The following RAB3GAP2 variants were observed in gnomAD, a reference collection of about 807,000 sequenced individuals.
RAB3GAP2 encodes the protein RAB3 GTPase activating non-catalytic protein subunit 2.
RAB3GAP2 carries 87 observed loss-of-function variants against 185.3 expected under a neutral mutation model. That is an observed-to-expected ratio of 0.47 (90% CI 0.39 to 0.56). The LOEUF (loss-of-function observed/expected upper bound fraction) is 0.56. Ranked by LOEUF, RAB3GAP2 falls within the 20% of genes least tolerant of loss-of-function variation. The probability of loss-of-function intolerance (pLI) is 0.00; values close to 1 mark genes in which losing one functional copy is unlikely to be tolerated. For missense variants in RAB3GAP2, 1,492 were observed against 1,638.2 expected, an observed-to-expected ratio of 0.91 and a Z score of 1.54; for synonymous variants, 554 against 576.1, an observed-to-expected ratio of 0.96 and a Z score of 0.55.
At chr1:220,258,868 G>A (rs1435413269) in intron 1 of RAB3GAP2, among the ~76,000 whole-genome samples, 1 of 152,194 alleles carries the variant, frequency 6.6e-6, no homozygotes, top group Non-Finnish European at 1.5e-5. Flanking sequence ...TTCTTAAGCT[G>A]ATAAGCAACT....
intron 29 of RAB3GAP2, 108 bp from the exon 30 acceptor site, chr1:220,157,984 A>G: frequency 2.4e-6 from 2 of 823,656 alleles, no homozygotes; most frequent in Non-Finnish European, 4.1e-6. Context: ...GACTTTCCAC[A>G]CTGAATAGAC....
At chr1:220,184,361 A>G (rs1658471270) in intron 18 of RAB3GAP2, among the ~76,000 whole-genome samples, 198 bp from the exon 19 acceptor site, 1 of 152,140 alleles carries the variant, frequency 6.6e-6, no homozygotes. Context: ...CTTTTTAAAT[A>G]AAATAAGATG....
chr1:220,186,418 C>T (rs758064909), intron 17 of RAB3GAP2, among the ~76,000 whole-genome samples: 4 of 152,042 alleles, frequency 2.6e-5, no homozygotes, highest in South Asian at 2.1e-4. Flanking sequence ...GACAAATATC[C>T]GATCATAACA....
Position 220,164,720 on chromosome 1 carries a change from T to A in RAB3GAP2, c.3154+13A>T, listed in dbSNP as rs1248395562. 5 of 1,599,206 alleles carry A rather than the reference T, an allele frequency of 3.1e-6. No individual in the cohort carries two copies. The highest frequency in any genetic ancestry group is 1.7e-6 in the Non-Finnish European group (2 of 1,170,494). ...AGATCAAACAGTGATGTTTCTAACA[T>A]CTGTTTACTTACCATTTTGAACATG... is the stretch of plus-strand genomic sequence containing the variant. On this transcript the variant is annotated intron_variant, in intron 27 of 34. Transcript: ENST00000358951.
chr1:220,154,507 T>G, intron 31 of RAB3GAP2: 1 of 174,932 alleles, frequency 5.7e-6, no homozygotes, highest in Non-Finnish European at 1.2e-5. Flanking sequence ...TGCTTAGAAG[T>G]GAATCACCCT....
At chr1:220,243,631 T>C (rs1659741527) in intron 1 of RAB3GAP2, among the ~76,000 whole-genome samples, 1 of 152,174 alleles carries the variant, frequency 6.6e-6, no homozygotes, top group Admixed American at 6.5e-5. Flanking sequence ...TTCAGTACCA[T>C]CTCAGTTATT....
intron 2 of RAB3GAP2, among the ~76,000 whole-genome samples, chr1:220,223,512 TA>T (rs1056131356): frequency 6.6e-6 from 1 of 152,120 alleles, no homozygotes; most frequent in Non-Finnish European, 1.5e-5. Context: ...AAATATAGAT[TA>T]AAACACTGAA....
At chr1:220,240,888 A>C (rs1329054677) in intron 1 of RAB3GAP2, among the ~76,000 whole-genome samples, 1 of 152,116 alleles carries the variant, frequency 6.6e-6, no homozygotes, top group African/African-American at 2.4e-5. Flanking sequence ...GAATAAATAA[A>C]ACCAATGACT....
In RAB3GAP2 at chr1:220,167,690, C is replaced by A. The variant is rs200407685; in HGVS notation, c.2807-15G>T. 1.2e-6 allele frequency: 2 copies of A among 1,611,960 alleles called. No homozygotes were observed. Among genetic ancestry groups the A allele is most frequent in the Non-Finnish European group, 1.7e-6 (2 of 1,179,546 alleles). On this transcript the variant is annotated splice_polypyrimidine_tract_variant and intron_variant, in intron 24 of 34. Transcript: ENST00000358951. ...TGCAATGCCACCTATAGTTTGGAGA[C>A]AAGAAAGAAAATAAAAATTTACAAC...
At chr1:220,263,065 T>C (rs1660170528) in intron 1 of RAB3GAP2, among the ~76,000 whole-genome samples, 1 of 151,564 alleles carries the variant, frequency 6.6e-6, no homozygotes, top group Non-Finnish European at 1.5e-5. Context: ...TAAGCATCTT[T>C]TCATGTTCTT....
At chr1:220,210,365 T>C (rs758167446) in intron 7 of RAB3GAP2, 23 bp downstream of exon 7, 1 of 1,573,758 alleles carries the variant, frequency 6.4e-7, no homozygotes, top group South Asian at 1.1e-5. Flanking sequence ...CTGTTACTGT[T>C]GGAACACAAT....
intron 2 of RAB3GAP2, among the ~76,000 whole-genome samples, chr1:220,224,489 T>C (rs1342828305): frequency 6.6e-6 from 1 of 152,126 alleles, no homozygotes; most frequent in African/African-American, 2.4e-5. Flanking sequence ...ATAATTTACA[T>C]ATATGGAAAA....
chr1:220,185,296 C>G (rs1440343863), intron 18 of RAB3GAP2, among the ~76,000 whole-genome samples: 3 of 152,088 alleles, frequency 2.0e-5, no homozygotes, highest in Non-Finnish European at 2.9e-5. Flanking sequence ...AAATAATAAT[C>G]TGATTGTTGA....
intron 1 of RAB3GAP2, among the ~76,000 whole-genome samples, chr1:220,262,174 A>G (rs948329522): frequency 6.6e-6 from 1 of 150,742 alleles, no homozygotes; most frequent in Non-Finnish European, 1.5e-5. Context: ...GGTGGCAGGC[A>G]CCTGTAGTCC....
intron 3 of RAB3GAP2, among the ~76,000 whole-genome samples, chr1:220,213,401 A>T (rs1470757702): frequency 6.6e-6 from 1 of 152,086 alleles, no homozygotes; most frequent in African/African-American, 2.4e-5. Context: ...GGAGATCTAT[A>T]AGATATGAAA....
rs1424706422 is a variant in RAB3GAP2 at position 220,172,003 on chromosome 1, C to T, written c.2463G>A (p.Trp821Ter). The change falls in exon 23 of 35, where the codon TGG becomes TGA. Residue 821 changes from tryptophan (W) to a stop codon, truncating the protein, a stop_gained. Transcript: ENST00000358951. LOFTEE classifies it high-confidence loss of function. Reference sequence around the variant, plus strand: ...GAATACAGGCTGTGCGCATCTGCTGCCACCATGGGGACACAGACTGAGAAT... The same window carrying T: ...GAATACAGGCTGTGCGCATCTGCTGTCACCATGGGGACACAGACTGAGAAT... ...TWDSQSVSPW[W>*]QQMRTACIQS... 2 of 1,614,168 alleles carry T rather than the reference C, an allele frequency of 1.2e-6. No individual in the cohort carries two copies. The highest frequency in any genetic ancestry group is 1.1e-5 in the South Asian group (1 of 91,082).
At chr1:220,267,540 C>A (rs537558470) in intron 1 of RAB3GAP2, 17 of 1,364,112 alleles carry the variant, frequency 1.2e-5, no homozygotes, top group Non-Finnish European at 1.5e-5. Flanking sequence ...AAGCCCATTG[C>A]CTCTTTTTGA....
chr1:220,164,250 A>AG (rs1419140774), intron 27 of RAB3GAP2, among the ~76,000 whole-genome samples: 2 of 152,228 alleles, frequency 1.3e-5, no homozygotes, highest in East Asian at 3.9e-4. Flanking sequence ...CTATCTGTGA[A>AG]GGGTGTAATG....
At chr1:220,271,235 A>G (rs1660327863) in intron 1 of RAB3GAP2, 1 of 152,172 alleles carries the variant, frequency 6.6e-6, no homozygotes, top group African/African-American at 2.4e-5. Flanking sequence ...TATCTTCTAA[A>G]TTTTCTAAAA....
Sources: allele counts gnomAD v4.1 joint callset (sites outside exome capture counted in the v4.1 genomes callset), GRCh38; gene constraint gnomAD v4.1.1; transcripts MANE v1.5; gene names NCBI Gene and HGNC (gene_info 2026-07-23, HGNC 2026-07-21).